The following TRAPPC12 variants were observed in gnomAD, a reference collection of about 807,000 sequenced individuals.
TRAPPC12 encodes TPR repeat protein 15.
TRAPPC12 carries 61 observed loss-of-function variants against 69.2 expected under a neutral mutation model. The ratio of observed to expected loss-of-function variants is 0.88; its 90% CI spans 0.72 to 1.09. The LOEUF (loss-of-function observed/expected upper bound fraction) is 1.09. Among genes scored for constraint, TRAPPC12 ranks in the 50% least tolerant of loss-of-function variants. The pLI is 0.00. For missense variants in TRAPPC12, 1,101 were observed against 1,016.4 expected, an observed-to-expected ratio of 1.08 and a Z score of -1.13; for synonymous variants, 469 against 438.9, an observed-to-expected ratio of 1.07 and a Z score of -0.86.
At chr2:3,445,389 A>G (rs1417131959) in intron 6 of TRAPPC12, among the ~76,000 whole-genome samples, 1 of 152,220 alleles carries the variant, frequency 6.6e-6, no homozygotes, top group Non-Finnish European at 1.5e-5. Context: ...TGTCTCAAAA[A>G]AAAAGAAAAA....
chr2:3,410,890 C>T (rs1223109380), intron 3 of TRAPPC12, among the ~76,000 whole-genome samples: 3 of 152,054 alleles, frequency 2.0e-5, no homozygotes, highest in South Asian at 2.1e-4. Context: ...ATTAGCTGGG[C>T]GTGGTGGTGC....
chr2:3,429,106 G>C (rs552152865), intron 5 of TRAPPC12, among the ~76,000 whole-genome samples: 1 of 152,330 alleles, frequency 6.6e-6, no homozygotes, highest in Non-Finnish European at 1.5e-5. Flanking sequence ...GGGTTGTGGG[G>C]TAGTCATTGA....
chr2:3,464,513 T>A (rs1229427330), intron 8 of TRAPPC12, among the ~76,000 whole-genome samples: 1 of 152,068 alleles, frequency 6.6e-6, no homozygotes, highest in Non-Finnish European at 1.5e-5. Context: ...AAAGTACCTC[T>A]GGGATTATAC....
chr2:3,476,193 G>A (rs1254292737), intron 9 of TRAPPC12, among the ~76,000 whole-genome samples: 4 of 152,104 alleles, frequency 2.6e-5, no homozygotes, highest in African/African-American at 7.2e-5. Context: ...CTTCCTCCTC[G>A]TATGGTATTT....
At chr2:3,469,877 G>A (rs936756287) in intron 9 of TRAPPC12, among the ~76,000 whole-genome samples, 3 of 152,204 alleles carry the variant, frequency 2.0e-5, no homozygotes, top group Admixed American at 1.3e-4. Flanking sequence ...AACATCTGAA[G>A]TCATGTAACA....
At chr2:3,455,502 C>A (rs1031182667) in intron 6 of TRAPPC12, 1 of 152,124 alleles carries the variant, frequency 6.6e-6, no homozygotes, top group Non-Finnish European at 1.5e-5. Flanking sequence ...CTCCATCCCC[C>A]ACTACTGTTC....
intron 2 of TRAPPC12, among the ~76,000 whole-genome samples, chr2:3,397,859 C>T (rs191223378): frequency 6.2e-4 from 95 of 152,252 alleles, no homozygotes; most frequent in Non-Finnish European, 1.0e-3. Flanking sequence ...TCAGCCCACC[C>T]GCCTTAACCT....
intron 3 of TRAPPC12, among the ~76,000 whole-genome samples, chr2:3,406,804 C>T (rs1283605058): frequency 1.3e-5 from 2 of 152,156 alleles, no homozygotes; most frequent in Admixed American, 6.5e-5. Flanking sequence ...CACACAAAGC[C>T]ATGCATGTTA....
intron 8 of TRAPPC12, among the ~76,000 whole-genome samples, chr2:3,463,685 C>T (rs370211921): frequency 4.0e-5 from 6 of 151,892 alleles, no homozygotes; most frequent in East Asian, 3.9e-4. Flanking sequence ...CCACCACGCC[C>T]CCACCCTGCG....
intron 7 of TRAPPC12, 123 bp downstream of exon 7, chr2:3,457,816 C>T (rs1665246730): frequency 4.1e-6 from 6 of 1,468,790 alleles, no homozygotes; most frequent in Admixed American, 5.1e-5. Flanking sequence ...CGTGTCCACT[C>T]GTGCATTTGC....
At chr2:3,410,480 GAT>G (rs1661996934) in intron 3 of TRAPPC12, among the ~76,000 whole-genome samples, 1 of 152,058 alleles carries the variant, frequency 6.6e-6, no homozygotes, top group African/African-American at 2.4e-5. Flanking sequence ...CTTTTTATAT[GAT>G]ATGTTTTACT....
chr2:3,408,152 G>A (rs4627605), intron 3 of TRAPPC12, among the ~76,000 whole-genome samples: 95,664 of 152,066 alleles, frequency 0.63, 30,646 homozygotes, highest in African/African-American at 0.76. Flanking sequence ...CTCCAAACAC[G>A]TGTGCTTGAC....
chr2:3,443,545 T>C (rs1426490670), intron 5 of TRAPPC12, among the ~76,000 whole-genome samples: 1 of 152,240 alleles, frequency 6.6e-6, no homozygotes, highest in Non-Finnish European at 1.5e-5. Flanking sequence ...GCTTTGGAAA[T>C]TGTGGTGTCA....
intron 2 of TRAPPC12, among the ~76,000 whole-genome samples, chr2:3,401,013 T>G (rs929226232): frequency 6.6e-6 from 1 of 152,234 alleles, no homozygotes; most frequent in South Asian, 2.1e-4. Flanking sequence ...TCCAGTGTTC[T>G]TCAGCACCGT....
chr2:3,417,012 T>A (rs1343569812), intron 3 of TRAPPC12, among the ~76,000 whole-genome samples: 1 of 151,630 alleles, frequency 6.6e-6, no homozygotes, highest in Non-Finnish European at 1.5e-5. Flanking sequence ...AAGGCCTTCC[T>A]CTCCCTCTCT....
chr2:3,426,123 A>G (rs1366958453), intron 5 of TRAPPC12, among the ~76,000 whole-genome samples: 4 of 152,172 alleles, frequency 2.6e-5, no homozygotes, highest in African/African-American at 7.2e-5. Flanking sequence ...CATTTTTAGT[A>G]TAAAGTGTTT....
chr2:3,389,498 G>A (rs753545560), intron 2 of TRAPPC12, among the ~76,000 whole-genome samples: 9 of 152,258 alleles, frequency 5.9e-5, no homozygotes, highest in African/African-American at 1.2e-4. Flanking sequence ...GGGGAACACC[G>A]TGGCGCCCGA....
rs1157411393 is a variant in TRAPPC12 at position 3,423,225 on chromosome 2, T to C, written c.1278+1231T>C. ...TTGGCTACCATGTGAAATTTCATCTTCTCGTGTTGTATGCAAACCCTCAGA... is the reference window on the plus strand; with the variant it reads ...TTGGCTACCATGTGAAATTTCATCTCCTCGTGTTGTATGCAAACCCTCAGA... On this transcript the variant is annotated intron_variant, in intron 4 of 11. Coordinates refer to ENST00000324266, the MANE Select transcript of TRAPPC12 (RefSeq NM_016030.6). Among the ~76,000 whole-genome samples, 4 of 152,290 alleles carry C rather than the reference T, an allele frequency of 2.6e-5. No homozygotes were observed. The East Asian group carries it at 7.7e-4, about 29-fold the overall frequency.
In TRAPPC12 at chr2:3,477,852, C is replaced by T. The variant is rs544574276; in HGVS notation, c.1877+57C>T. On this transcript the variant is annotated intron_variant, in intron 10 of 11. Coordinates refer to ENST00000324266, the MANE Select transcript of TRAPPC12 (RefSeq NM_016030.6). ...TCAAATTTCCCAGAGGCGTTCAAGC[C>T]CCACTTACTGAGTTGGAAAGCTCCC... The T allele has an allele frequency of 5.6e-6, 7 of 1,254,104 alleles. No homozygotes were observed. The African/African-American group carries it at 1.1e-4, about 19-fold the overall frequency. 77.7% of individuals were successfully genotyped at this position (1,254,104 alleles called of 1,614,324 possible). A position where few individuals can be genotyped will look rare whatever the true frequency, so the allele number is the denominator to read the frequency against.
Sources: allele counts gnomAD v4.1 joint callset (sites outside exome capture counted in the v4.1 genomes callset), GRCh38; gene constraint gnomAD v4.1.1; transcripts MANE v1.5; gene names NCBI Gene and HGNC (gene_info 2026-07-23, HGNC 2026-07-21).